Variants in PCDHB14 observed in about 807,000 individuals in gnomAD.
PCDHB14 encodes protocadherin beta 14, also known as protocadherin beta-14.
For missense variants in PCDHB14, 1,129 were observed against 1,000.5 expected (o/e 1.13, Z -1.73); for synonymous variants, 511 against 441.5 (o/e 1.16, Z -1.97).
At position 141,225,486 on chromosome 5, in the gene PCDHB14, C is replaced by G. The variant is rs1403440210; in HGVS notation, c.1981C>G (p.Leu661Val). The G allele has an allele frequency of 6.2e-7, 1 of 1,606,260 alleles. No homozygotes were observed. The highest frequency in any genetic ancestry group is 2.1e-4 in the Middle Eastern group (1 of 4,700). The change falls in exon 1 of 1, where the codon CTC (leucine) becomes GTC (valine). Residue 661 changes from leucine to valine, a missense_variant. By Grantham distance (32) the Leu-to-Val change is conservative (BLOSUM62 1). Coordinates refer to ENST00000239449, the MANE Select transcript of PCDHB14 (RefSeq NM_018934.4). The stretch of plus-strand genomic sequence containing the variant: ...CTCGGCCACCGCCACGCTGCACGTG[C>G]TCCTGGTGGACGGCTTCTCCCAGCC... Reference protein sequence around the residue: ...PRSATATLHVLLVDGFSQPYL... With the variant: ...PRSATATLHVVLVDGFSQPYL...
chr5:141,226,431 A>G lies in PCDHB14; in HGVS notation c.*529A>G, dbSNP rs1442279853. 6.5e-6 allele frequency: 1 copy of G among 152,700 alleles called. No homozygotes were observed. The highest frequency in any genetic ancestry group is 1.5e-5 in the Non-Finnish European group (1 of 68,176). 9.5% of individuals were successfully genotyped at this position (152,700 alleles called of 1,614,324 possible). On this transcript the variant is annotated 3_prime_UTR_variant, in exon 1 of 1. Coordinates refer to ENST00000239449, the MANE Select transcript of PCDHB14 (RefSeq NM_018934.4). ...AAATATTTACTTTATGATGAAACTT[A>G]AGTGGTCACATTGGAAATTATTAAT...
Sources: allele counts gnomAD v4.1 joint callset, GRCh38; gene constraint gnomAD v4.1.1; transcripts MANE v1.5; gene names NCBI Gene and HGNC (gene_info 2026-07-23, HGNC 2026-07-21).